The following ANKS1A variants were observed in gnomAD, a reference collection of about 807,000 sequenced individuals.
ANKS1A encodes ankyrin repeat and SAM domain-containing protein 1A.
ANKS1A carries 55 observed loss-of-function variants against 120.3 expected under a neutral mutation model. That is an observed-to-expected ratio of 0.46 (90% CI 0.37 to 0.57). The LOEUF is 0.57. Ranked by LOEUF, ANKS1A falls within the 20% of genes least tolerant of loss-of-function variation. The pLI, the probability that ANKS1A is intolerant of heterozygous loss-of-function variation, is 0.00. For synonymous variants in ANKS1A, 590 were observed against 604.7 expected (o/e 0.98, Z 0.36); for missense variants, 1,123 against 1,480.3 (o/e 0.76, Z 3.96).
chr6:35,004,763 T>G (rs572404658), intron 10 of ANKS1A, among the ~76,000 whole-genome samples: 1 of 152,284 alleles, frequency 6.6e-6, no homozygotes, highest in Non-Finnish European at 1.5e-5. Context: ...AAAAAAATTT[T>G]TTTTAAGTAA....
intron 11 of ANKS1A, among the ~76,000 whole-genome samples, chr6:35,027,118 G>A (rs533334629): frequency 4.5e-4 from 68 of 152,306 alleles, no homozygotes; most frequent in Admixed American, 4.1e-3. Flanking sequence ...GCAAAGGGAA[G>A]AGAATTCAAA....
intron 1 of ANKS1A, among the ~76,000 whole-genome samples, chr6:34,923,908 T>A (rs578046491): frequency 2.6e-5 from 4 of 152,162 alleles, no homozygotes; most frequent in African/African-American, 4.8e-5. Flanking sequence ...AGCAAACTGT[T>A]TGCAGAATGT....
intron 10 of ANKS1A, among the ~76,000 whole-genome samples, chr6:35,009,592 A>G (rs1159139205): frequency 6.6e-6 from 1 of 152,046 alleles, no homozygotes. Context: ...ATCCAAGTTG[A>G]GGTGATTCTT....
intron 1 of ANKS1A, among the ~76,000 whole-genome samples, chr6:34,927,945 C>T (rs1008275693): frequency 1.3e-5 from 2 of 152,164 alleles, no homozygotes; most frequent in Admixed American, 1.3e-4. Flanking sequence ...AGTTTGAATC[C>T]AGGAGCAGTA....
intron 1 of ANKS1A, among the ~76,000 whole-genome samples, chr6:34,934,170 C>T (rs1018083274): frequency 3.9e-5 from 6 of 152,010 alleles, no homozygotes; most frequent in Non-Finnish European, 5.9e-5. Flanking sequence ...ATTTTGGAGA[C>T]GGAGTCTTGC....
intron 10 of ANKS1A, among the ~76,000 whole-genome samples, chr6:35,012,753 T>A (rs1773826742): frequency 6.6e-6 from 1 of 152,178 alleles, no homozygotes; most frequent in Non-Finnish European, 1.5e-5. Context: ...TGAATGAGGA[T>A]CACAAGTTGA....
chr6:35,075,571 A>T (rs914999563), intron 13 of ANKS1A, among the ~76,000 whole-genome samples: 1 of 151,910 alleles, frequency 6.6e-6, no homozygotes, highest in Non-Finnish European at 1.5e-5. Context: ...GTCCGCCACC[A>T]CACCTGGATA....
Position 35,058,777 on chromosome 6 carries a change from C to T in ANKS1A, c.2078-1370C>T, listed in dbSNP as rs1776336583. On this transcript the variant is annotated intron_variant, in intron 12 of 23. Coordinates refer to ENST00000360359, the MANE Select transcript of ANKS1A (RefSeq NM_015245.3). The surrounding 1 kb of genome is among the most constrained non-coding windows in gnomAD (Gnocchi z 5.1). The stretch of plus-strand genomic sequence containing the variant: ...TTCATCTGTTCTTGCCCACAAGAAT[C>T]AGAGAAGTAGGTTGGGGTTCAGGCA... 1 of 152,226 alleles carries T rather than the reference C, an allele frequency of 6.6e-6. No individual in the cohort carries two copies. Among genetic ancestry groups the T allele is most frequent in the African/African-American group, 2.4e-5 (1 of 41,444 alleles). The allele number at this position is 152,226 out of a possible 1,614,324, so 9.4% of individuals were successfully genotyped here. A position where few individuals can be genotyped will look rare whatever the true frequency, so the allele number is the denominator to read the frequency against.
intron 10 of ANKS1A, among the ~76,000 whole-genome samples, chr6:35,002,171 T>C (rs1271878882): frequency 6.6e-6 from 1 of 152,176 alleles, no homozygotes; most frequent in Non-Finnish European, 1.5e-5. Context: ...TCACTCTTGG[T>C]ATCAGAGAGC....
intron 13 of ANKS1A, among the ~76,000 whole-genome samples, chr6:35,065,304 T>C (rs897020597): frequency 6.6e-6 from 1 of 152,162 alleles, no homozygotes; most frequent in African/African-American, 2.4e-5. Flanking sequence ...CAGGTACTGC[T>C]CTGGCCTTCT....
In ANKS1A at chr6:35,080,479, G is replaced by A. The variant is rs150843062; in HGVS notation, c.2545-515G>A. Reference sequence around the variant, plus strand: ...TAGAGCAGCCGCTCCCCGAGCCCTCGGGTGCACTGGGCCTGCCCCGCAGGT... The same window carrying A: ...TAGAGCAGCCGCTCCCCGAGCCCTCAGGTGCACTGGGCCTGCCCCGCAGGT... On this transcript the variant is annotated intron_variant, in intron 16 of 23. Transcript: ENST00000360359. 1.5e-3 allele frequency among the ~76,000 whole-genome samples: 231 copies of A among 152,312 alleles called. 1 individual carries two copies. Among genetic ancestry groups the A allele is most frequent in the Middle Eastern group, 3.4e-3 (1 of 294 alleles).
intron 11 of ANKS1A, among the ~76,000 whole-genome samples, chr6:35,024,140 G>A (rs1169943585): frequency 6.6e-6 from 1 of 152,142 alleles, no homozygotes; most frequent in Non-Finnish European, 1.5e-5. Flanking sequence ...TCATCAAGCT[G>A]GCAGTGTCCT....
chr6:35,035,376 T>G (rs62402708), intron 11 of ANKS1A, among the ~76,000 whole-genome samples: 1 of 152,144 alleles, frequency 6.6e-6, no homozygotes, highest in Non-Finnish European at 1.5e-5. Flanking sequence ...TTTACCTGTT[T>G]TATGTCTTAG....
intron 1 of ANKS1A, among the ~76,000 whole-genome samples, chr6:34,895,916 A>G (rs543438242): frequency 1.3e-5 from 2 of 149,786 alleles, no homozygotes; most frequent in Non-Finnish European, 3.0e-5. Flanking sequence ...CAGCCTCCCG[A>G]GTAGCTGGGA....
chr6:34,937,196 C>T (rs1221618858), intron 1 of ANKS1A, among the ~76,000 whole-genome samples: 1 of 151,962 alleles, frequency 6.6e-6, no homozygotes, highest in African/African-American at 2.4e-5. Flanking sequence ...TCTGGTGGGG[C>T]GCAGTGGCAC....
At chr6:34,961,352 A>G (rs1770626625) in intron 1 of ANKS1A, among the ~76,000 whole-genome samples, 2 of 152,152 alleles carry the variant, frequency 1.3e-5, no homozygotes, top group South Asian at 4.1e-4. Context: ...CTGAAATACC[A>G]AACAAGGAGA....
chr6:34,929,067 G>A (rs766025963), intron 1 of ANKS1A, among the ~76,000 whole-genome samples: 10 of 152,194 alleles, frequency 6.6e-5, no homozygotes, highest in Non-Finnish European at 1.3e-4. Context: ...TATGTTTAGT[G>A]GCTGTGAGGT....
chr6:34,963,732 A>G lies in ANKS1A; in HGVS notation c.198-3507A>G, dbSNP rs6937767. On this transcript the variant is annotated intron_variant, in intron 1 of 23. Coordinates refer to ENST00000360359, the MANE Select transcript of ANKS1A (RefSeq NM_015245.3). ...AATGGCTGTACTAATTTTTGTTTTT[A>G]CCAACAGTGTGCAAGGTGCTCTTTT... Among the ~76,000 whole-genome samples, 1,120 of 152,298 alleles carry G rather than the reference A, an allele frequency of 7.4e-3. 21 individuals are homozygous for G. The highest frequency in any genetic ancestry group is 0.026 in the African/African-American group (1,064 of 41,562).
chr6:34,971,477 T>C (rs976183749), intron 3 of ANKS1A, among the ~76,000 whole-genome samples: 1 of 152,214 alleles, frequency 6.6e-6, no homozygotes, highest in Non-Finnish European at 1.5e-5. Flanking sequence ...GCATTCCTTA[T>C]ATGATAAGCC....
Sources: gnomAD v4.1 joint callset for allele counts (sites outside exome capture counted in the v4.1 genomes callset) on GRCh38, gnomAD v4.1.1 for gene constraint, Gnocchi (gnomAD v3.1) non-coding constraint, MANE v1.5 for transcripts, NCBI Gene and HGNC (gene_info 2026-07-23, HGNC 2026-07-21) for gene names.